NIBAN2: variants seen among roughly 807,000 people sequenced by gnomAD.
NIBAN2 encodes protein Niban 2.
A neutral mutation model predicts 81.8 loss-of-function variants in NIBAN2; 36 were observed. The ratio of observed to expected loss-of-function variants is 0.44; its 90% CI spans 0.34 to 0.58. NIBAN2 has a LOEUF of 0.58. NIBAN2 is among the 20% of genes least tolerant of loss of function. The pLI, the probability that NIBAN2 is intolerant of heterozygous loss-of-function variation, is 0.02. For missense variants in NIBAN2, 897 were observed against 1,014.1 expected, an observed-to-expected ratio of 0.88 and a Z score of 1.57; for synonymous variants, 445 against 441.6, an observed-to-expected ratio of 1.01 and a Z score of -0.10.
chr9:127,535,848 G>C (rs1008581851), intron 1 of NIBAN2, among the ~76,000 whole-genome samples: 8 of 151,992 alleles, frequency 5.3e-5, no homozygotes, highest in Non-Finnish European at 1.0e-4. Context: ...GGGAGGAATA[G>C]TGGGGGTTTG....
At chr9:127,537,299 C>T (rs760579714) in intron 1 of NIBAN2, among the ~76,000 whole-genome samples, 16 of 152,220 alleles carry the variant, frequency 1.1e-4, no homozygotes, top group Non-Finnish European at 2.2e-4. Context: ...GACCGGATAG[C>T]GTTTGAGGTG....
intron 1 of NIBAN2, among the ~76,000 whole-genome samples, chr9:127,535,439 GC>G (rs1837257667): frequency 6.6e-6 from 1 of 152,222 alleles, no homozygotes; most frequent in Admixed American, 6.5e-5. Flanking sequence ...GACAGTTAAG[GC>G]CCAAGTTGGG....
chr9:127,516,137 G>GAAATAAATA (rs10684505), intron 8 of NIBAN2, among the ~76,000 whole-genome samples: 6 of 151,608 alleles, frequency 4.0e-5, no homozygotes, highest in African/African-American at 1.5e-4. Context: ...AAAATAAAAT[G>GAAATAAATA]AAATAAAATA....
upstream of NIBAN2, among the ~76,000 whole-genome samples, chr9:127,572,140 A>G (rs1286846837): frequency 2.6e-5 from 4 of 152,156 alleles, no homozygotes; most frequent in Non-Finnish European, 5.9e-5. Context: ...GGCTCAAGGC[A>G]TCCTCCAATC....
At chr9:127,528,252 T>C (rs1465803865) in intron 2 of NIBAN2, among the ~76,000 whole-genome samples, 2 of 152,162 alleles carry the variant, frequency 1.3e-5, no homozygotes, top group Non-Finnish European at 2.9e-5. Flanking sequence ...AGCGAAGCTA[T>C]GGCCAGGTGC....
At chr9:127,548,186 T>A (rs1837508990) in intron 1 of NIBAN2, among the ~76,000 whole-genome samples, 1 of 152,106 alleles carries the variant, frequency 6.6e-6, no homozygotes, top group Non-Finnish European at 1.5e-5. Flanking sequence ...ATGCTTGGGG[T>A]CCAATCTTTC....
intron 1 of NIBAN2, among the ~76,000 whole-genome samples, chr9:127,542,233 G>A (rs1467040847): frequency 3.3e-5 from 5 of 152,162 alleles, no homozygotes; most frequent in African/African-American, 4.8e-5. Context: ...CCCCATGTCC[G>A]GAATACAGTC....
rs958664647 is a variant in NIBAN2, at chr9:127,517,146, C to T, written c.776G>A (p.Gly259Glu). 9 of 1,613,950 alleles carry T rather than the reference C, an allele frequency of 5.6e-6. No homozygotes were observed. In the African/African-American group the frequency reaches 1.2e-4, roughly 22 times the overall value. Residue 259 changes from glycine to glutamate, a missense_variant, in exon 7 of 14, where the codon GGG (glycine) becomes GAG (glutamate). Around this residue, in one of 3 missense-constraint regions of NIBAN2, gnomAD observed 619 missense variants for 691.0 expected, o/e 0.90. Coordinates refer to ENST00000373312, the MANE Select transcript of NIBAN2 (RefSeq NM_022833.4). The surrounding 1 kb of genome is among the most constrained non-coding windows in gnomAD (Gnocchi z 4.0). ...CTGCCGCTGCCGCTCCTGCGGTTTC[C>T]CCTTCAGCCGCGGGCCGAGCTCTGC... ...LKAELGPRLKGKPQERQRQWI... is the reference protein window; with the variant it reads ...LKAELGPRLKEKPQERQRQWI...
chr9:127,570,494 C>T (rs575498134), upstream of NIBAN2, among the ~76,000 whole-genome samples: 50 of 152,184 alleles, frequency 3.3e-4, no homozygotes, highest in African/African-American at 1.1e-3. Context: ...ATGCTTTTTG[C>T]GGGAGGGTTA....
At chr9:127,509,857 C>G (rs1473243137) in intron 9 of NIBAN2, 1 of 186,498 alleles carries the variant, frequency 5.4e-6, no homozygotes, top group Non-Finnish European at 1.1e-5. Context: ...CCTCTCCTTC[C>G]CTCCTTCCCT....
Position 127,507,490 on chromosome 9 carries a change from C to G in NIBAN2, c.1655-59G>C. On this transcript the variant is annotated intron_variant, in intron 13 of 13. Coordinates refer to ENST00000373312, the MANE Select transcript of NIBAN2 (RefSeq NM_022833.4). This position sits in a 1 kb window ranked among gnomAD's most constrained non-coding sequence, Gnocchi z 6.8. ...CACTGATCCCACAGCCGCCCCTGTG[C>G]TGGACTCTGCTCAAAGAAGACCCGT... 1 of 1,376,494 alleles carries G rather than the reference C, an allele frequency of 7.3e-7. No individual in the cohort carries two copies. The highest frequency in any genetic ancestry group is 1.5e-5 in the South Asian group (1 of 65,088). The allele number at this position is 1,376,494 out of a possible 1,614,324, so 85.3% of individuals were successfully genotyped here. A position where few individuals can be genotyped will look rare whatever the true frequency, so the allele number is the denominator to read the frequency against.
intron 8 of NIBAN2, among the ~76,000 whole-genome samples, chr9:127,511,178 G>A (rs966318273): frequency 1.3e-5 from 2 of 151,816 alleles, no homozygotes; most frequent in African/African-American, 4.8e-5. Context: ...CCAAGTAGCT[G>A]GGATTACAGG....
At chr9:127,557,955 T>C (rs1454537033) in intron 1 of NIBAN2, among the ~76,000 whole-genome samples, 1 of 152,072 alleles carries the variant, frequency 6.6e-6, no homozygotes, top group East Asian at 1.9e-4. Context: ...GGTCACACAG[T>C]GAGCTGTGAC....
At chr9:127,509,801 CTCCTTCCCTCCTT>C (rs763182766) in intron 9 of NIBAN2, 1,793 of 75,912 alleles carry the variant, frequency 0.024, 83 homozygotes, top group Non-Finnish European at 0.031. Context: ...CTTCCCTCCT[CTCCTTCCCTCCTT>C]CCCTCCTCTC....
intron 4 of NIBAN2, among the ~76,000 whole-genome samples, chr9:127,524,534 G>A (rs1837024763): frequency 6.6e-6 from 1 of 152,198 alleles, no homozygotes; most frequent in Admixed American, 6.5e-5. Context: ...ACTCGCCCAA[G>A]CAGACACAGT....
intron 1 of NIBAN2, among the ~76,000 whole-genome samples, chr9:127,534,131 G>A (rs2247495): frequency 0.61 from 93,370 of 152,130 alleles, 29,774 homozygotes; most frequent in Middle Eastern, 0.74. Flanking sequence ...CCCGCTGTGC[G>A]GCTCCCCTCT....
At chr9:127,523,565 A>G (rs1186645941) in intron 5 of NIBAN2, 114 bp downstream of exon 5, 2 of 1,014,422 alleles carry the variant, frequency 2.0e-6, no homozygotes, top group Non-Finnish European at 2.9e-6. Context: ...GGAAATTAGA[A>G]CAGCCTGTAG....
intron 1 of NIBAN2, among the ~76,000 whole-genome samples, chr9:127,578,610 G>A (rs1838037290): frequency 1.3e-5 from 2 of 151,920 alleles, no homozygotes; most frequent in African/African-American, 2.4e-5. Context: ...TGCAGTGAGA[G>A]TGAGGCGAGA....
Position 127,517,954 on chromosome 9 carries a change from C to T in NIBAN2, c.590-13G>A, listed in dbSNP as rs755479878. The T allele has an allele frequency of 2.7e-5, 43 of 1,571,454 alleles. No homozygotes were observed. The highest frequency in any genetic ancestry group is 1.3e-4 in the South Asian group (11 of 85,058). Reference sequence around the variant, plus strand: ...TCCTCAGGGATTCCTGCCCAGGAGACGGAGGGAGAGAGGAGGTCAGCAGAT... The same window carrying T: ...TCCTCAGGGATTCCTGCCCAGGAGATGGAGGGAGAGAGGAGGTCAGCAGAT... On this transcript the variant is annotated splice_polypyrimidine_tract_variant and intron_variant, in intron 5 of 13. Coordinates refer to ENST00000373312, the MANE Select transcript of NIBAN2 (RefSeq NM_022833.4). The surrounding 1 kb of genome is among the most constrained non-coding windows in gnomAD (Gnocchi z 4.0).
Sources: allele counts gnomAD v4.1 joint callset (sites outside exome capture counted in the v4.1 genomes callset), GRCh38; gene constraint gnomAD v4.1.1; regional missense constraint gnomAD v4.1.1; non-coding constraint Gnocchi (gnomAD v3.1); transcripts MANE v1.5; gene names NCBI Gene and HGNC (gene_info 2026-07-23, HGNC 2026-07-21).